Variants in PCDH19 observed in about 807,000 individuals in gnomAD.
PCDH19 encodes protocadherin 19, also known as protocadherin-19.
PCDH19 carries 6 observed loss-of-function variants against 46.2 expected under a neutral mutation model. That is an observed-to-expected ratio of 0.13 (90% confidence interval 0.07 to 0.26). The LOEUF (loss-of-function observed/expected upper bound fraction) is 0.26. Ranked by LOEUF, PCDH19 falls within the 10% of genes least tolerant of loss-of-function variation. PCDH19 has a pLI of 1.00. For missense variants in PCDH19, 740 were observed against 972.3 expected (o/e 0.76, Z 3.18); for synonymous variants, 481 against 415.7 (o/e 1.16, Z -1.91).
chrX:100,398,359 C>T (rs896626253), intron 3 of PCDH19, among the ~76,000 whole-genome samples: 1 of 112,226 alleles, frequency 8.9e-6, no homozygotes, highest in African/African-American at 3.2e-5. Context: ...ACCTTGCCTA[C>T]CTAACTGCAT....
At chrX:100,337,546 C>A (rs1157326715) in intron 5 of PCDH19, among the ~76,000 whole-genome samples, 1 of 112,208 alleles carries the variant, frequency 8.9e-6, no homozygotes, top group Non-Finnish European at 1.9e-5. Flanking sequence ...CAGCTGGCAA[C>A]CAGGAAATTC....
rs1301017592 is a variant in PCDH19 at position 100,291,831 on chromosome X, ATTC to A, written c.*4443_*4445del. ...CATCTTCATAAAATAGACAGTGGTG[ATTC>A]TTTTTTGTCTTTTTTCTTTTTACAA... is the stretch of plus-strand genomic sequence containing the variant. On this transcript the variant is annotated 3_prime_UTR_variant, in exon 6 of 6. Coordinates refer to ENST00000373034, the MANE Select transcript of PCDH19 (RefSeq NM_001184880.2). 9.3e-4 allele frequency: 105 copies of A among 113,096 alleles called. 1 individual carries two copies. The highest frequency in any genetic ancestry group is 3.3e-3 in the African/African-American group (102 of 31,105). 9.3% of individuals were successfully genotyped at this position (113,096 alleles called of 1,213,427 possible).
At chrX:100,310,093 T>C (rs1168998357) in intron 5 of PCDH19, among the ~76,000 whole-genome samples, 2 of 112,084 alleles carry the variant, frequency 1.8e-5, no homozygotes, top group African/African-American at 6.5e-5. Flanking sequence ...TTCAAAGCAA[T>C]TGAATTATCT....
chrX:100,333,377 C>T (rs1347801070), intron 5 of PCDH19, among the ~76,000 whole-genome samples: 1 of 111,633 alleles, frequency 9.0e-6, no homozygotes, highest in Non-Finnish European at 1.9e-5. Flanking sequence ...TAGTAAATCA[C>T]CCAAATAGAG....
intron 5 of PCDH19, among the ~76,000 whole-genome samples, chrX:100,318,469 T>C (rs1569290426): frequency 8.9e-6 from 1 of 112,242 alleles, no homozygotes; most frequent in East Asian, 2.8e-4. Context: ...TAGCCAACTA[T>C]TGGTGGGATA....
intron 5 of PCDH19, among the ~76,000 whole-genome samples, chrX:100,309,695 C>T (rs1358646028): frequency 9.0e-6 from 1 of 110,894 alleles, no homozygotes; most frequent in African/African-American, 3.3e-5. Context: ...GGAGATGCCT[C>T]AGGAAGGATG....
chrX:100,390,945 T>C (rs369084156), intron 3 of PCDH19, among the ~76,000 whole-genome samples: 1 of 111,836 alleles, frequency 8.9e-6, no homozygotes. Flanking sequence ...TTGTTAAGCA[T>C]GAATAGTAGC....
Position 100,407,410 on chromosome X carries a change from C to A in PCDH19, c.1188G>T (p.Leu396=), listed in dbSNP as rs746115728. ...CRLLGNVPFR[L]QEYESFSTIL... Reference sequence around the variant, plus strand: ...TAGTGGAGAAGCTCTCATATTCCTGCAGTCGAAAGGGCACATTGCCCAGCA... The same window carrying A: ...TAGTGGAGAAGCTCTCATATTCCTGAAGTCGAAAGGGCACATTGCCCAGCA... The change falls in exon 1 of 6, where the codon CTG becomes CTT. Residue 396 remains leucine (L), a synonymous_variant. Coordinates refer to ENST00000373034, the MANE Select transcript of PCDH19 (RefSeq NM_001184880.2). The A allele has an allele frequency of 2.5e-6, 3 of 1,212,152 alleles. No individual in the cohort carries two copies. Among genetic ancestry groups the A allele is most frequent in the Non-Finnish European group, 2.2e-6 (2 of 895,610 alleles).
chrX:100,403,742 T>G (rs1221572479), intron 1 of PCDH19, 78 bp from the exon 2 acceptor site: 1 of 935,363 alleles, frequency 1.1e-6, no homozygotes, highest in Non-Finnish European at 1.5e-6. Flanking sequence ...GTGCTGCAAC[T>G]GGAACATAAA....
intron 4 of PCDH19, 45 bp downstream of exon 4, chrX:100,350,601 T>C: frequency 1.0e-6 from 1 of 962,668 alleles, no homozygotes; most frequent in Non-Finnish European, 1.5e-6. Context: ...CTTTTTAATG[T>C]TAAATCAAGC....
At chrX:100,340,232 A>G (rs1021173175) in intron 5 of PCDH19, among the ~76,000 whole-genome samples, 1 of 112,117 alleles carries the variant, frequency 8.9e-6, no homozygotes, top group African/African-American at 3.2e-5. Flanking sequence ...TATATATGTA[A>G]TACATCCAAT....
intron 5 of PCDH19, among the ~76,000 whole-genome samples, chrX:100,305,725 A>C (rs1299268176): frequency 2.7e-5 from 3 of 111,971 alleles, no homozygotes; most frequent in Middle Eastern, 4.6e-3. Flanking sequence ...GGGTTAGAAA[A>C]AGATATTCCA....
At chrX:100,369,441 G>A (rs1927159037) in intron 3 of PCDH19, among the ~76,000 whole-genome samples, 1 of 111,803 alleles carries the variant, frequency 8.9e-6, no homozygotes, top group African/African-American at 3.3e-5. Flanking sequence ...GTCAGTCTTT[G>A]GCCTTATACC....
chrX:100,359,415 T>C (rs28446752), intron 3 of PCDH19, among the ~76,000 whole-genome samples: 2,870 of 112,158 alleles, frequency 0.026, 82 homozygotes, highest in African/African-American at 0.089. Context: ...GATCCAGAAA[T>C]GAGCCACTTT....
chrX:100,350,875 G>A (rs1452359746), intron 3 of PCDH19, among the ~76,000 whole-genome samples, 171 bp from the exon 4 acceptor site: 5 of 112,522 alleles, frequency 4.4e-5, no homozygotes, highest in African/African-American at 1.3e-4. Context: ...TAGGGGCTCC[G>A]TGGAGGCAGC....
intron 5 of PCDH19, among the ~76,000 whole-genome samples, chrX:100,337,045 GC>G (rs1366621170): frequency 9.0e-6 from 1 of 111,309 alleles, no homozygotes; most frequent in Non-Finnish European, 1.9e-5. Flanking sequence ...AGAAATTCAA[GC>G]CCCATGATAC....
intron 2 of PCDH19, 93 bp from the exon 3 acceptor site, chrX:100,402,944 A>T: frequency 1.5e-6 from 1 of 651,747 alleles, no homozygotes; most frequent in Non-Finnish European, 2.5e-6. Flanking sequence ...GTTGCACCCC[A>T]TCTCCGCTCC....
intron 5 of PCDH19, among the ~76,000 whole-genome samples, chrX:100,336,784 G>C (rs1028031070): frequency 2.7e-5 from 3 of 111,535 alleles, no homozygotes; most frequent in African/African-American, 9.8e-5. Flanking sequence ...CTTTTCATCT[G>C]ATGAATTTAT....
At chrX:100,309,181 C>CACACACACACACA (rs1569287919) in intron 5 of PCDH19, among the ~76,000 whole-genome samples, 2 of 109,798 alleles carry the variant, frequency 1.8e-5, no homozygotes, top group African/African-American at 3.3e-5. Flanking sequence ...CACACACACA[C>CACACACACACACA]CATGGAAATA....
Sources: allele counts gnomAD v4.1 joint callset (sites outside exome capture counted in the v4.1 genomes callset), GRCh38; gene constraint gnomAD v4.1.1; transcripts MANE v1.5; gene names NCBI Gene and HGNC (gene_info 2026-07-23, HGNC 2026-07-21).